The following MRPL22 variants were observed in gnomAD, a reference collection of about 807,000 sequenced individuals.
MRPL22 encodes mitochondrial ribosomal protein L22.
A neutral mutation model predicts 32.4 loss-of-function variants in MRPL22; 27 were observed. The observed-to-expected ratio is 0.83, with a 90% CI of 0.61 to 1.15. The LOEUF (loss-of-function observed/expected upper bound fraction) is 1.15, where lower values mean the gene tolerates loss of function less well. MRPL22 is among the 50% of genes most tolerant of loss of function. The probability of loss-of-function intolerance (pLI) is 0.00; values close to 1 mark genes in which losing one functional copy is unlikely to be tolerated. For missense variants in MRPL22, 239 were observed against 260.2 expected (o/e 0.92, Z 0.56); for synonymous variants, 86 against 87.3 (o/e 0.99, Z 0.08).
At chr5:154,962,972 C>CTCTGCACCCAGGCTAGAGTG (rs1427533210) in intron 6 of MRPL22, among the ~76,000 whole-genome samples, 1 of 152,230 alleles carries the variant, frequency 6.6e-6, no homozygotes, top group East Asian at 1.9e-4. Flanking sequence ...CGGAGTCTCA[C>CTCTGCACCCAGGCTAGAGTG]TCTGCACCCA....
chr5:154,957,914 CTTTTTT>C (rs912216773), intron 5 of MRPL22, among the ~76,000 whole-genome samples: 1 of 120,864 alleles, frequency 8.3e-6, no homozygotes, highest in African/African-American at 3.2e-5. Context: ...ATATATTTTT[CTTTTTT>C]TTTTTTTTTT....
chr5:154,954,461 A>G (rs1764606493), intron 3 of MRPL22, among the ~76,000 whole-genome samples: 1 of 152,234 alleles, frequency 6.6e-6, no homozygotes, highest in Non-Finnish European at 1.5e-5. Flanking sequence ...AATTTGCTGT[A>G]TAGGTCAGTT....
chr5:154,959,513 T>G (rs1764674488), intron 5 of MRPL22, among the ~76,000 whole-genome samples: 1 of 151,866 alleles, frequency 6.6e-6, no homozygotes, highest in South Asian at 2.1e-4. Flanking sequence ...CTGGCTGATT[T>G]TTGTGTTTTT....
At position 154,941,147 on chromosome 5, in the gene MRPL22, T is replaced by A; in HGVS notation, c.28+9T>A. ...AGTACTGGGACAGTTGGGTAAGGAT[T>A]TCTTAGTGGTTAAGCGACAGAAGGG... On this transcript the variant is annotated intron_variant, in intron 1 of 6. Coordinates refer to ENST00000523037, the MANE Select transcript of MRPL22 (RefSeq NM_014180.4). 1.2e-6 allele frequency: 2 copies of A among 1,614,078 alleles called. No individual in the cohort carries two copies. Among genetic ancestry groups the A allele is most frequent in the Non-Finnish European group, 1.7e-6 (2 of 1,180,024 alleles).
chr5:154,957,828 A>G (rs1367181718), intron 5 of MRPL22, among the ~76,000 whole-genome samples: 1 of 152,076 alleles, frequency 6.6e-6, no homozygotes, highest in East Asian at 1.9e-4. Context: ...AAATGTAGCT[A>G]ATTCACTAGA....
intron 5 of MRPL22, among the ~76,000 whole-genome samples, chr5:154,957,981 A>G (rs563081303): frequency 3.0e-4 from 40 of 134,768 alleles, no homozygotes; most frequent in Non-Finnish European, 5.7e-4. Context: ...CAGTGGCGCC[A>G]TCTTGGCTCA....
chr5:154,967,205 T>TGGA lies in MRPL22; in HGVS notation c.*308_*309insGGA. ...CCAACTAGTGTCCTGCAGGTGGCTG[T>TGGA]TTTGATACTGGACTTGAATACAGTG... On this transcript the variant is annotated 3_prime_UTR_variant, in exon 7 of 7. Transcript: ENST00000523037. The surrounding 1 kb of genome is among the most constrained non-coding windows in gnomAD (Gnocchi z 4.7). The TGGA allele has an allele frequency of 3.0e-6, 1 of 334,852 alleles. No individual in the cohort carries two copies. Among genetic ancestry groups the TGGA allele is most frequent in the Non-Finnish European group, 5.6e-6 (1 of 179,534 alleles). 20.7% of individuals were successfully genotyped at this position (334,852 alleles called of 1,614,324 possible).
intron 1 of MRPL22, 21 bp from the exon 2 acceptor site, chr5:154,941,196 C>A: frequency 6.2e-6 from 10 of 1,614,060 alleles, no homozygotes; most frequent in Non-Finnish European, 8.5e-6. Flanking sequence ...TCTGAGTTGA[C>A]GGCTTGTGTT....
At chr5:154,960,862 CAA>C (rs1256134876) in intron 6 of MRPL22, among the ~76,000 whole-genome samples, 2 of 152,172 alleles carry the variant, frequency 1.3e-5, no homozygotes, top group East Asian at 1.9e-4. Flanking sequence ...TATATTCAAA[CAA>C]AGATGTTGAT....
intron 2 of MRPL22, among the ~76,000 whole-genome samples, chr5:154,943,805 A>G (rs1351829467): frequency 6.6e-6 from 1 of 151,820 alleles, no homozygotes; most frequent in African/African-American, 2.4e-5. Flanking sequence ...AGCTGGGATC[A>G]CAGGCGTGCA....
Position 154,967,144 on chromosome 5 carries a change from G to A in MRPL22, c.*247G>A, listed in dbSNP as rs773485419. On this transcript the variant is annotated 3_prime_UTR_variant, in exon 7 of 7. Coordinates refer to ENST00000523037, the MANE Select transcript of MRPL22 (RefSeq NM_014180.4). The surrounding 1 kb of genome is among the most constrained non-coding windows in gnomAD (Gnocchi z 4.7). ...ATAGTAACAGACTATATTTCAAAAG[G>A]CTTTTGGAGTAACTTTGAAAGGGAA... The A allele has an allele frequency of 4.3e-6, 2 of 469,062 alleles. No individual in the cohort carries two copies. The highest frequency in any genetic ancestry group is 2.0e-5 in the African/African-American group (1 of 50,456). The allele number at this position is 469,062 out of a possible 1,614,324, so 29.1% of individuals were successfully genotyped here. A position where few individuals can be genotyped will look rare whatever the true frequency, so the allele number is the denominator to read the frequency against.
chr5:154,959,979 G>C lies in MRPL22; in HGVS notation c.340-1G>C. The C allele has an allele frequency of 1.9e-6, 3 of 1,607,632 alleles. No homozygotes were observed. Among genetic ancestry groups the C allele is most frequent in the Non-Finnish European group, 2.5e-6 (3 of 1,177,118 alleles). ...AAATGCTTTTCTTTTTCTTATTTAA[G>C]GTTCTCTTAGAAGCACAAGATATGG... is the stretch of plus-strand genomic sequence containing the variant. On this transcript the variant is annotated splice_acceptor_variant, in intron 5 of 6. Coordinates refer to ENST00000523037, the MANE Select transcript of MRPL22 (RefSeq NM_014180.4). LOFTEE classifies it high-confidence loss of function.
At chr5:154,953,896 G>T (rs1446863716) in intron 3 of MRPL22, among the ~76,000 whole-genome samples, 6 of 151,314 alleles carry the variant, frequency 4.0e-5, no homozygotes, top group South Asian at 2.1e-4. Flanking sequence ...GTGTGGTCCG[G>T]GCTGGTCTCC....
rs932273100 is a variant in MRPL22 at position 154,968,788 on chromosome 5, T to A, written c.*1891T>A. 5 of 152,180 alleles carry A rather than the reference T, an allele frequency of 3.3e-5. No individual in the cohort carries two copies. The highest frequency in any genetic ancestry group is 9.7e-5 in the African/African-American group (4 of 41,440). The allele number at this position is 152,180 out of a possible 1,614,324, so 9.4% of individuals were successfully genotyped here. ...TATGTAAGTGAAGGCACTGCTTCAG[T>A]CAGGCTGTAAAAGCTATTTTGAAAG... is the stretch of plus-strand genomic sequence containing the variant. On this transcript the variant is annotated 3_prime_UTR_variant, in exon 7 of 7. Coordinates refer to ENST00000523037, the MANE Select transcript of MRPL22 (RefSeq NM_014180.4).
At chr5:154,954,953 G>A (rs1764612437) in intron 3 of MRPL22, among the ~76,000 whole-genome samples, 1 of 150,934 alleles carries the variant, frequency 6.6e-6, no homozygotes, top group African/African-American at 2.5e-5. Context: ...CACCATGCCC[G>A]GCTAATTTTT....
intron 6 of MRPL22, among the ~76,000 whole-genome samples, chr5:154,963,247 T>C (rs1267028616): frequency 2.0e-5 from 3 of 152,220 alleles, no homozygotes; most frequent in Admixed American, 1.3e-4. Flanking sequence ...CCTGAAAATA[T>C]TGGCAATATT....
At chr5:154,941,625 C>G (rs559757939) in intron 2 of MRPL22, among the ~76,000 whole-genome samples, 27 of 152,354 alleles carry the variant, frequency 1.8e-4, no homozygotes, top group African/African-American at 6.0e-4. Context: ...GACAACTCTG[C>G]TTTACGTCGT....
rs757522553 is a variant in MRPL22, at chr5:154,950,916, C to T, written c.173C>T (p.Pro58Leu). The T allele has an allele frequency of 6.2e-7, 1 of 1,611,558 alleles. No homozygotes were observed. The highest frequency in any genetic ancestry group is 8.5e-7 in the Non-Finnish European group (1 of 1,177,926). ...KNKIVYPPQL[P>L]GEPRRPAEIY... ...AAAATTGTTTATCCTCCACAACTGC[C>T]TGGAGAACCTCGGAGACCAGCAGTA... Residue 58 changes from proline (P) to leucine (L), a missense_variant, in exon 3 of 7, where the codon CCT (proline) becomes CTT (leucine). Coordinates refer to ENST00000523037, the MANE Select transcript of MRPL22 (RefSeq NM_014180.4).
intron 2 of MRPL22, among the ~76,000 whole-genome samples, chr5:154,948,423 T>C (rs1328455481): frequency 6.6e-6 from 1 of 152,240 alleles, no homozygotes; most frequent in Non-Finnish European, 1.5e-5. Context: ...CCCTCTCTTT[T>C]TTTTCTTGTA....
Sources: gnomAD v4.1 joint callset for allele counts (sites outside exome capture counted in the v4.1 genomes callset) on GRCh38, gnomAD v4.1.1 for gene constraint, Gnocchi (gnomAD v3.1) non-coding constraint, MANE v1.5 for transcripts, NCBI Gene and HGNC (gene_info 2026-07-23, HGNC 2026-07-21) for gene names.